MCM3AP: variants seen among roughly 807,000 people sequenced by gnomAD.
MCM3AP encodes germinal-center associated nuclear protein.
In MCM3AP, 126 loss-of-function variants were observed where a neutral mutation model predicts 184.1. The observed-to-expected ratio is 0.68, with a 90% CI of 0.59 to 0.79. The LOEUF is 0.79. MCM3AP is among the 30% of genes least tolerant of loss of function. The pLI, the probability that MCM3AP is intolerant of heterozygous loss-of-function variation, is 0.00. For missense variants in MCM3AP, 2,496 were observed against 2,479.2 expected, an observed-to-expected ratio of 1.01 and a Z score of -0.14; for synonymous variants, 1,002 against 979.3, an observed-to-expected ratio of 1.02 and a Z score of -0.43.
intron 9 of MCM3AP, 131 bp from the exon 10 acceptor site, chr21:46,267,273 G>A (rs1363358661): frequency 6.2e-6 from 5 of 809,952 alleles, no homozygotes; most frequent in East Asian, 2.7e-5. Flanking sequence ...ACCAGAAGGC[G>A]CTTTGGCAAC....
Position 46,262,961 on chromosome 21 carries a change from G to A in MCM3AP, c.3335+1156C>T, listed in dbSNP as rs1408395926. Among the ~76,000 whole-genome samples, 98 of 82,866 alleles carry A rather than the reference G, an allele frequency of 1.2e-3. 2 individuals are homozygous for A. Among genetic ancestry groups the A allele is most frequent in the Admixed American group, 5.3e-4 (3 of 5,680 alleles). The allele number at this position is 82,866 out of a possible 152,430, so 54.4% of individuals were successfully genotyped here. On this transcript the variant is annotated intron_variant, in intron 13 of 27. Transcript: ENST00000291688. ...CCAGCCTGGGCGACAGGGAGACTCC[G>A]TCTCAAAAAAAAAAAAAAAAAAAAA...
chr21:46,261,660 G>A lies in MCM3AP; in HGVS notation c.3336-249C>T, dbSNP rs1393668252. Among the ~76,000 whole-genome samples the A allele has an allele frequency of 2.6e-5, 4 of 151,252 alleles. No homozygotes were observed. In the East Asian group the frequency reaches 5.8e-4, roughly 22 times the overall value. Reference sequence around the variant, plus strand: ...AGGCAGAAGAATTGCTCGGACCTGGGAGCGGGAGACTGCAGTGAGCCAAGA... The same window carrying A: ...AGGCAGAAGAATTGCTCGGACCTGGAAGCGGGAGACTGCAGTGAGCCAAGA... On this transcript the variant is annotated intron_variant, in intron 13 of 27. Coordinates refer to ENST00000291688, the MANE Select transcript of MCM3AP (RefSeq NM_003906.5).
At chr21:46,249,482 C>T (rs1300907231) in intron 20 of MCM3AP, 8 of 410,050 alleles carry the variant, frequency 2.0e-5, no homozygotes, top group East Asian at 7.2e-5. Flanking sequence ...AGCCACTATG[C>T]GCGGCCAGGA....
In MCM3AP at chr21:46,244,075, T is replaced by C. The variant is rs2080722726; in HGVS notation, c.5039-353A>G. ...CAACCTAACCAGAGCACCGAGGGCT[T>C]GTGCTGAGTGGTTTGCTTCCCTTTG... On this transcript the variant is annotated intron_variant, in intron 23 of 27. Coordinates refer to ENST00000291688, the MANE Select transcript of MCM3AP (RefSeq NM_003906.5). Among the ~76,000 whole-genome samples, 3 of 152,244 alleles carry C rather than the reference T, an allele frequency of 2.0e-5. No homozygotes were observed. In the South Asian group the frequency reaches 6.2e-4, roughly 31 times the overall value.
intron 4 of MCM3AP, among the ~76,000 whole-genome samples, chr21:46,278,422 A>G (rs2081281794): frequency 6.6e-6 from 1 of 152,160 alleles, no homozygotes; most frequent in Non-Finnish European, 1.5e-5. Flanking sequence ...CAGCAACTAA[A>G]CTGCTCGTCA....
intron 20 of MCM3AP, 56 bp from the exon 21 acceptor site, chr21:46,246,942 ACTGAT>A: frequency 1.3e-6 from 2 of 1,577,478 alleles, no homozygotes; most frequent in Non-Finnish European, 1.7e-6. Flanking sequence ...ATCAGCAGTG[ACTGAT>A]CTGCCCCAGA....
In MCM3AP at chr21:46,246,764, C is replaced by T. The variant is rs1413107414; in HGVS notation, c.4413G>A (p.Glu1471=). 1.2e-6 allele frequency: 2 copies of T among 1,614,238 alleles called. No individual in the cohort carries two copies. The highest frequency in any genetic ancestry group is 4.5e-5 in the East Asian group (2 of 44,884). ...AGGCCGACAGCCAGTACACGTCCTC[C>T]TCTGCCATGTCCTCACTCTTCATTT... is the stretch of plus-strand genomic sequence containing the variant. The part of the protein sequence containing the change: ...PPKMKSEDMA[E]EDVYWLSALL... Residue 1471 remains glutamate (E), a synonymous_variant, in exon 21 of 28, where the codon GAG becomes GAA. Coordinates refer to ENST00000291688, the MANE Select transcript of MCM3AP (RefSeq NM_003906.5).
In MCM3AP at chr21:46,283,721, A is replaced by AGGT; in HGVS notation, c.1334_1336dup (p.Tyr445_Leu446insHis). The stretch of plus-strand genomic sequence containing the variant: ...GTTCTCCAGAATGGTCCTGTCGTTG[A>AGGT]GGTAGTCAGGGATGTTCTTGCACTG... On this transcript the variant is annotated inframe_insertion, in exon 2 of 28. Coordinates refer to ENST00000291688, the MANE Select transcript of MCM3AP (RefSeq NM_003906.5). The AGGT allele has an allele frequency of 6.2e-7, 1 of 1,613,864 alleles. No homozygotes were observed. Among genetic ancestry groups the AGGT allele is most frequent in the Non-Finnish European group, 8.5e-7 (1 of 1,179,752 alleles).
At chr21:46,237,048 C>A in intron 26 of MCM3AP, 69 bp from the exon 27 acceptor site, 5 of 781,074 alleles carry the variant, frequency 6.4e-6, no homozygotes, top group Non-Finnish European at 7.3e-6. Flanking sequence ...CATTAATCTT[C>A]TATATATACT....
chr21:46,280,451 TAAA>T (rs2081317706), intron 3 of MCM3AP, 43 bp downstream of exon 3: 1 of 1,392,496 alleles, frequency 7.2e-7, no homozygotes, highest in East Asian at 2.5e-5. Context: ...ATAAAATAAA[TAAA>T]AATAATTTTT....
intron 20 of MCM3AP, chr21:46,250,561 T>C (rs568311970): frequency 6.6e-6 from 1 of 152,394 alleles, no homozygotes; most frequent in South Asian, 2.1e-4. Context: ...GCTGCCATGC[T>C]GTCAGCTGGG....
intron 4 of MCM3AP, among the ~76,000 whole-genome samples, chr21:46,278,072 G>A (rs1020587337): frequency 2.4e-4 from 36 of 151,880 alleles, no homozygotes; most frequent in African/African-American, 8.7e-4. Context: ...GATTGCTTGA[G>A]CCTGGCAGGC....
intron 23 of MCM3AP, among the ~76,000 whole-genome samples, chr21:46,244,134 C>T (rs2080723598): frequency 6.6e-6 from 1 of 152,260 alleles, no homozygotes; most frequent in African/African-American, 2.4e-5. Context: ...GTTAGACCTA[C>T]TACAGACCAC....
chr21:46,277,086 A>T lies in MCM3AP; in HGVS notation c.1858+441T>A, dbSNP rs1050032306. 3.3e-5 allele frequency among the ~76,000 whole-genome samples: 5 copies of T among 152,190 alleles called. No individual in the cohort carries two copies. The South Asian group carries it at 1.0e-3, about 32-fold the overall frequency. On this transcript the variant is annotated intron_variant, in intron 5 of 27. Transcript: ENST00000291688. The stretch of plus-strand genomic sequence containing the variant: ...TTAAGAGAAAAAAATTGGCTAAGAG[A>T]AGTACCTGTGTTTTTTCCTTTTATT...
At chr21:46,258,733 T>TTGCATGTGTG (rs1555910986) in intron 16 of MCM3AP, among the ~76,000 whole-genome samples, 1 of 72,320 alleles carries the variant, frequency 1.4e-5, no homozygotes, top group Non-Finnish European at 2.7e-5. Flanking sequence ...TCCCCTTATA[T>TTGCATGTGTG]TGTATGTGTG....
intron 25 of MCM3AP, chr21:46,241,333 A>C: frequency 4.0e-6 from 1 of 250,930 alleles, no homozygotes; most frequent in Admixed American, 5.0e-5. Context: ...TCTCTGCTTC[A>C]TGTCTTGCTT....
At chr21:46,247,481 A>ATTCAAGCAATTCTCCTGCCTCACCCTACC (rs6147543) in intron 20 of MCM3AP, among the ~76,000 whole-genome samples, 1 of 149,614 alleles carries the variant, frequency 6.7e-6, no homozygotes, top group Admixed American at 6.7e-5. Context: ...TGCCTCCTGG[A>ATTCAAGCAATTCTCCTGCCTCACCCTACC]TAGTAGCTGG....
chr21:46,269,970 GGCAAA>G (rs1194057217), intron 9 of MCM3AP, among the ~76,000 whole-genome samples: 1 of 152,174 alleles, frequency 6.6e-6, no homozygotes, highest in African/African-American at 2.4e-5. Context: ...CCTAGCACAC[GGCAAA>G]GCACAGACAC....
intron 25 of MCM3AP, 178 bp downstream of exon 25, chr21:46,242,624 A>G: frequency 2.0e-6 from 1 of 508,576 alleles, no homozygotes; most frequent in South Asian, 3.4e-5. Flanking sequence ...ATGAAGTGAG[A>G]TGCTTTAACT....
Sources: gnomAD v4.1 joint callset for allele counts (sites outside exome capture counted in the v4.1 genomes callset) on GRCh38, gnomAD v4.1.1 for gene constraint, MANE v1.5 for transcripts, NCBI Gene and HGNC (gene_info 2026-07-23, HGNC 2026-07-21) for gene names.